The following UBASH3B variants were observed in gnomAD, a reference collection of about 807,000 sequenced individuals.
UBASH3B encodes ubiquitin associated and SH3 domain containing B, also known as ubiquitin-associated and SH3 domain-containing protein B.
In UBASH3B, 37 loss-of-function variants were observed where a neutral mutation model predicts 83.4. The ratio of observed to expected loss-of-function variants is 0.44; its 90% CI spans 0.34 to 0.58. UBASH3B has a LOEUF of 0.58. Among genes scored for constraint, UBASH3B ranks in the 20% least tolerant of loss-of-function variants. The pLI is 0.01. For synonymous variants in UBASH3B, 304 were observed against 318.3 expected (o/e 0.96, Z 0.48); for missense variants, 657 against 827.2 (o/e 0.79, Z 2.52).
intron 5 of UBASH3B, among the ~76,000 whole-genome samples, chr11:122,786,240 A>C (rs1014218331): frequency 6.6e-6 from 1 of 151,836 alleles, no homozygotes; most frequent in Non-Finnish European, 1.5e-5. Context: ...TAGTAGAGAC[A>C]GGGTTTCACC....
At chr11:122,809,382 G>A (rs902011897) in intron 13 of UBASH3B, among the ~76,000 whole-genome samples, 6 of 152,106 alleles carry the variant, frequency 3.9e-5, no homozygotes, top group African/African-American at 1.4e-4. Flanking sequence ...GCCTTGAGCT[G>A]CCTTTTTACC....
At chr11:122,673,041 G>A (rs971242105) in intron 1 of UBASH3B, among the ~76,000 whole-genome samples, 4 of 152,238 alleles carry the variant, frequency 2.6e-5, no homozygotes, top group African/African-American at 4.8e-5. Context: ...TAGGAAAGAT[G>A]AGCCCTCAGC....
intron 1 of UBASH3B, among the ~76,000 whole-genome samples, chr11:122,706,839 G>C (rs1413157342): frequency 3.3e-5 from 5 of 152,090 alleles, no homozygotes; most frequent in Admixed American, 3.3e-4. Context: ...CACCATTCTA[G>C]GTAAAAGAAA....
Position 122,783,111 on chromosome 11 carries a change from A to C in UBASH3B, c.660A>C (p.Gln220His). Residue 220 changes from glutamine to histidine, a missense_variant, in exon 5 of 14, where the codon CAA becomes CAC. Coordinates refer to ENST00000284273, the MANE Select transcript of UBASH3B (RefSeq NM_032873.5). ...QLHVTLAYHF[Q>H]ASHLPTLEKL... is the part of the protein sequence containing the mutation. ...ATGTGACCCTGGCTTACCACTTCCA[A>C]GCCAGCCACCTACCCACCCTAGAGA... 1 of 1,614,122 alleles carries C rather than the reference A, an allele frequency of 6.2e-7. No homozygotes were observed. The highest frequency in any genetic ancestry group is 8.5e-7 in the Non-Finnish European group (1 of 1,180,008).
In UBASH3B at chr11:122,704,859, C is replaced by G. The variant is rs547566642; in HGVS notation, c.161+48649C>G. Among the ~76,000 whole-genome samples, 18 of 151,964 alleles carry G rather than the reference C, an allele frequency of 1.2e-4. No individual in the cohort carries two copies. In the South Asian group the frequency reaches 3.5e-3, roughly 30 times the overall value. Reference sequence around the variant, plus strand: ...TTTATTATGAGGTTTCTTTAAGGGCCGCACTTTCTCGAAGTGGCATTGGGT... The same window carrying G: ...TTTATTATGAGGTTTCTTTAAGGGCGGCACTTTCTCGAAGTGGCATTGGGT... On this transcript the variant is annotated intron_variant, in intron 1 of 13. Transcript: ENST00000284273.
intron 4 of UBASH3B, 46 bp from the exon 5 acceptor site, chr11:122,783,007 A>T: frequency 6.3e-7 from 1 of 1,584,382 alleles, no homozygotes; most frequent in Non-Finnish European, 8.6e-7. Context: ...CACCATTGCT[A>T]TCATCACCAC....
At chr11:122,795,150 A>G (rs1053099799) in intron 7 of UBASH3B, among the ~76,000 whole-genome samples, 1 of 152,164 alleles carries the variant, frequency 6.6e-6, no homozygotes, top group African/African-American at 2.4e-5. Flanking sequence ...ACAAAGATTA[A>G]AGAAAATAAT....
chr11:122,716,293 C>T (rs1437520572), intron 1 of UBASH3B, among the ~76,000 whole-genome samples: 1 of 152,258 alleles, frequency 6.6e-6, no homozygotes, highest in African/African-American at 2.4e-5. Context: ...CTGCCTCAAC[C>T]TCCCAGCTTG....
At position 122,725,328 on chromosome 11, in the gene UBASH3B, CAAA is replaced by C. The variant is rs527272428; in HGVS notation, c.162-50877_162-50875del. 1.6e-4 allele frequency among the ~76,000 whole-genome samples: 14 copies of C among 87,974 alleles called. No homozygotes were observed. The East Asian group carries it at 5.9e-3, about 37-fold the overall frequency. 57.7% of individuals were successfully genotyped at this position (87,974 alleles called of 152,430 possible). Reference sequence around the variant, plus strand: ...GCTGTGATGAGCATAGCACCATAAACAAAAAAAAAAAAAAAAGAAAAGAAAAGA... The same window carrying C: ...GCTGTGATGAGCATAGCACCATAAACAAAAAAAAAAAAAGAAAAGAAAAGA... On this transcript the variant is annotated intron_variant, in intron 1 of 13. Transcript: ENST00000284273.
At chr11:122,721,909 T>A (rs919908276) in intron 1 of UBASH3B, among the ~76,000 whole-genome samples, 9 of 152,104 alleles carry the variant, frequency 5.9e-5, no homozygotes, top group African/African-American at 2.2e-4. Flanking sequence ...TTCTTTTTCT[T>A]AAGGAGTCAA....
intron 9 of UBASH3B, among the ~76,000 whole-genome samples, chr11:122,798,487 C>T (rs1266219583): frequency 2.6e-5 from 4 of 151,874 alleles, no homozygotes; most frequent in South Asian, 2.1e-4. Context: ...CTGAGGTAGG[C>T]GGATCACGAG....
At chr11:122,717,171 A>G (rs773245236) in intron 1 of UBASH3B, among the ~76,000 whole-genome samples, 1 of 152,190 alleles carries the variant, frequency 6.6e-6, no homozygotes, top group Non-Finnish European at 1.5e-5. Context: ...AAGTTTTGCC[A>G]GACTCCTGGG....
chr11:122,729,400 A>G (rs922673618), intron 1 of UBASH3B, among the ~76,000 whole-genome samples: 9 of 152,136 alleles, frequency 5.9e-5, no homozygotes, highest in African/African-American at 2.2e-4. Context: ...TGAAGTCAGG[A>G]CCTTCATTGG....
At chr11:122,777,353 T>C in intron 3 of UBASH3B, 143 bp downstream of exon 3, 1 of 917,310 alleles carries the variant, frequency 1.1e-6, no homozygotes, top group Admixed American at 3.1e-5. Flanking sequence ...CTTCAAGGGA[T>C]CAGTGAGGTC....
intron 1 of UBASH3B, among the ~76,000 whole-genome samples, chr11:122,688,625 C>CTTTTATTTTA (rs560066242): frequency 3.6e-5 from 5 of 137,400 alleles, no homozygotes; most frequent in African/African-American, 1.4e-4. Context: ...TTTTTTCTTT[C>CTTTTATTTTA]TTTTATTTTA....
Position 122,783,150 on chromosome 11 carries a change from CATT to C in UBASH3B, c.700_702del (p.Ile234del). ...CCACCCTAGAGAAACTGGCCCAGAA[CATT>C]GACGTCAAGCTAGGGTGTGACTGGG... is the stretch of plus-strand genomic sequence containing the variant. On this transcript the variant is annotated inframe_deletion, in exon 5 of 14. Transcript: ENST00000284273. The C allele has an allele frequency of 6.2e-7, 1 of 1,614,160 alleles. No homozygotes were observed. Among genetic ancestry groups the C allele is most frequent in the Middle Eastern group, 1.6e-4 (1 of 6,062 alleles).
chr11:122,784,753 G>A (rs960612032), intron 5 of UBASH3B, among the ~76,000 whole-genome samples: 1 of 152,210 alleles, frequency 6.6e-6, no homozygotes, highest in African/African-American at 2.4e-5. Context: ...ATGAGTCAGA[G>A]GTTCAGGGTT....
intron 1 of UBASH3B, among the ~76,000 whole-genome samples, chr11:122,693,988 T>A (rs940587543): frequency 9.2e-5 from 14 of 152,230 alleles, no homozygotes; most frequent in African/African-American, 2.9e-4. Context: ...TTTGAAGCTC[T>A]GGGGATGCAA....
chr11:122,798,346 G>A (rs894117480), intron 9 of UBASH3B, among the ~76,000 whole-genome samples: 2 of 152,084 alleles, frequency 1.3e-5, no homozygotes, highest in African/African-American at 4.8e-5. Flanking sequence ...TGAAGCCAAA[G>A]TATTGTCCTG....
Sources: allele counts gnomAD v4.1 joint callset (sites outside exome capture counted in the v4.1 genomes callset), GRCh38; gene constraint gnomAD v4.1.1; transcripts MANE v1.5; gene names NCBI Gene and HGNC (gene_info 2026-07-23, HGNC 2026-07-21).